The following LYST variants were observed in gnomAD, a reference collection of about 807,000 sequenced individuals.
LYST encodes lysosomal-trafficking regulator.
Under a neutral mutation model 413.6 loss-of-function variants are expected in LYST, and 192 were observed. That is an observed-to-expected ratio of 0.46 (90% confidence interval 0.41 to 0.52). The LOEUF (loss-of-function observed/expected upper bound fraction) is 0.52. Ranked by LOEUF, LYST falls within the 20% of genes least tolerant of loss-of-function variation. The pLI, the probability that LYST is intolerant of heterozygous loss-of-function variation, is 0.00. For synonymous variants in LYST, 1,525 were observed against 1,567.3 expected, an observed-to-expected ratio of 0.97 and a Z score of 0.64; for missense variants, 3,815 against 4,499.9, an observed-to-expected ratio of 0.85 and a Z score of 4.35.
chr1:235,833,628 T>C lies in LYST; in HGVS notation c.-58A>G, dbSNP rs531378063. On this transcript the variant is annotated 5_prime_UTR_variant, in exon 2 of 53. It removes an upstream start codon present in the reference 5' UTR. Transcript: ENST00000389793. ...TTACAGTCTATATCATTTGGACTCA[T>C]AAACTAGATGAAACAAATATTCTTA... 4.6e-5 allele frequency: 44 copies of C among 947,342 alleles called. No individual in the cohort carries two copies. The highest frequency in any genetic ancestry group is 4.3e-4 in the Admixed American group (7 of 16,238). The allele number at this position is 947,342 out of a possible 1,614,324, so 58.7% of individuals were successfully genotyped here.
At chr1:235,692,996 G>A (rs541253191) in intron 47 of LYST, among the ~76,000 whole-genome samples, 1 of 151,106 alleles carries the variant, frequency 6.6e-6, no homozygotes, top group African/African-American at 2.4e-5. Flanking sequence ...ACTCCAGCCT[G>A]GGCAACAGAG....
chr1:235,695,673 C>T (rs1196110056), intron 46 of LYST, among the ~76,000 whole-genome samples: 1 of 135,214 alleles, frequency 7.4e-6, no homozygotes, highest in Non-Finnish European at 1.5e-5. Context: ...TGCTCTGTCT[C>T]CCAGGCTGGA....
intron 50 of LYST, among the ~76,000 whole-genome samples, chr1:235,673,504 TC>T (rs1226942715): frequency 6.6e-6 from 1 of 151,968 alleles, no homozygotes; most frequent in African/African-American, 2.4e-5. Flanking sequence ...AGGTTAGACA[TC>T]CTCAGATGAT....
Position 235,733,857 on chromosome 1 carries a change from T to G in LYST, c.8585A>C (p.Gln2862Pro). Residue 2862 changes from glutamine (Q) to proline (P), a missense_variant, in exon 33 of 53, where the codon CAG becomes CCG. Gln to Pro is a moderately conservative substitution (Grantham distance 76). Transcript: ENST00000389793. ...TEEGVNKAAWQKTVNNNQQSL... is the reference protein window; with the variant it reads ...TEEGVNKAAWPKTVNNNQQSL... The stretch of plus-strand genomic sequence containing the variant: ...TTGTTGATTATTGTTAACTGTTTTC[T>G]GCCAAGCAGCTTTATTCACTCCTTC... 1 of 1,605,158 alleles carries G rather than the reference T, an allele frequency of 6.2e-7. No individual in the cohort carries two copies. The highest frequency in any genetic ancestry group is 8.5e-7 in the Non-Finnish European group (1 of 1,171,990).
At chr1:235,762,635 A>C in intron 22 of LYST, 85 bp downstream of exon 22, 1 of 1,374,284 alleles carries the variant, frequency 7.3e-7, no homozygotes, top group Non-Finnish European at 1.0e-6. Context: ...TACTACATAT[A>C]CTTCTAAAAT....
At chr1:235,755,423 GA>G (rs1481160461) in intron 25 of LYST, 54 bp downstream of exon 25, 3 of 1,417,826 alleles carry the variant, frequency 2.1e-6, no homozygotes, top group African/African-American at 1.7e-5. Flanking sequence ...GAAAAGAAAA[GA>G]AAAGAAAAAA....
chr1:235,816,444 A>AT (rs1343355076), intron 3 of LYST, among the ~76,000 whole-genome samples: 1 of 138,842 alleles, frequency 7.2e-6, no homozygotes, highest in African/African-American at 3.0e-5. Flanking sequence ...CGTCAAAAAA[A>AT]AAAATAAATA....
chr1:235,803,749 A>C (rs542522113), intron 7 of LYST, among the ~76,000 whole-genome samples: 25 of 152,306 alleles, frequency 1.6e-4, no homozygotes, highest in African/African-American at 5.8e-4. Context: ...CAGTTAGTCA[A>C]TTAATTCAGT....
chr1:235,667,968 G>A (rs1031235046), intron 50 of LYST, among the ~76,000 whole-genome samples: 1 of 151,888 alleles, frequency 6.6e-6, no homozygotes, highest in African/African-American at 2.4e-5. Flanking sequence ...GCCTCCTCCT[G>A]TATTCTTTAA....
At chr1:235,791,568 C>A in intron 12 of LYST, 131 bp downstream of exon 12, 3 of 782,436 alleles carry the variant, frequency 3.8e-6, no homozygotes, top group Non-Finnish European at 6.7e-6. Context: ...GACCTACCAC[C>A]ACTAAGTAAG....
chr1:235,819,673 G>T (rs1674540979), intron 3 of LYST, among the ~76,000 whole-genome samples: 1 of 152,184 alleles, frequency 6.6e-6, no homozygotes, highest in African/African-American at 2.4e-5. Context: ...TTGAGATGGA[G>T]TCTCACTCTG....
chr1:235,684,674 G>A (rs1279581361), intron 48 of LYST, among the ~76,000 whole-genome samples: 4 of 152,088 alleles, frequency 2.6e-5, no homozygotes, highest in Non-Finnish European at 5.9e-5. Flanking sequence ...GGAGTGCAGT[G>A]GTGTGGTCAC....
rs1246375581 is a variant in LYST, at chr1:235,810,413, T to G, written c.405A>C (p.Ala135=). Reference sequence around the variant, plus strand: ...TGCTTTTTCGAAAAACATTTACTTTTGCAGAAACCTGACTAGACAGGGCAC... The same window carrying G: ...TGCTTTTTCGAAAAACATTTACTTTGGCAGAAACCTGACTAGACAGGGCAC... ...EGSALSSQVS[A]KVNVFRKSRR... is the part of the protein sequence containing the mutation. Residue 135 remains alanine (A), a synonymous_variant, in exon 5 of 53, where the codon GCA becomes GCC. Coordinates refer to ENST00000389793, the MANE Select transcript of LYST (RefSeq NM_000081.4). 5 of 1,612,132 alleles carry G rather than the reference T, an allele frequency of 3.1e-6. No individual in the cohort carries two copies. In the African/African-American group the frequency reaches 6.7e-5, roughly 22 times the overall value.
chr1:235,744,131 A>T lies in LYST; in HGVS notation c.7999T>A (p.Leu2667Met), dbSNP rs766466824. ...QEFNSDIIDI[L>M]RTPENVTQSK... Reference sequence around the variant, plus strand: ...TGAGTTACATTTTCTGGAGTTCTCAAAATGTCAATAATGTCTGAATTAAAT... The same window carrying T: ...TGAGTTACATTTTCTGGAGTTCTCATAATGTCAATAATGTCTGAATTAAAT... The change falls in exon 30 of 53, where the codon TTG (leucine) becomes ATG (methionine). Residue 2667 changes from leucine to methionine, a missense_variant. Around this residue, in one of 4 missense-constraint regions of LYST, gnomAD observed 771 missense variants for 837.1 expected, o/e 0.92. Transcript: ENST00000389793. The T allele has an allele frequency of 2.5e-6, 4 of 1,593,046 alleles. No homozygotes were observed. Among genetic ancestry groups the T allele is most frequent in the Middle Eastern group, 1.7e-4 (1 of 6,034 alleles).
At chr1:235,738,474 A>G in intron 31 of LYST, 1 of 1,612,396 alleles carries the variant, frequency 6.2e-7, no homozygotes, top group East Asian at 2.2e-5. Flanking sequence ...AAACCATGTT[A>G]TTGGAAGTGG....
Position 235,761,784 on chromosome 1 carries a change from A to AC in LYST, c.6253+935dup, listed in dbSNP as rs1172925070. Among the ~76,000 whole-genome samples, 3 of 151,508 alleles carry AC rather than the reference A, an allele frequency of 2.0e-5. No individual in the cohort carries two copies. In the East Asian group the frequency reaches 5.8e-4, roughly 29 times the overall value. ...GTGATTAAAAAAAAAACAAAAAAAAACCAGAAAGATGGGAGGCTGTCAATT... is the reference window on the plus strand; with the variant it reads ...GTGATTAAAAAAAAAACAAAAAAAAACCCAGAAAGATGGGAGGCTGTCAATT... On this transcript the variant is annotated intron_variant, in intron 22 of 52. Transcript: ENST00000389793.
intron 10 of LYST, among the ~76,000 whole-genome samples, chr1:235,796,673 G>A (rs911846189): frequency 4.6e-5 from 7 of 152,176 alleles, no homozygotes; most frequent in African/African-American, 1.7e-4. Context: ...GAAAGGGGGA[G>A]TTCAGCCCCC....
chr1:235,806,495 C>T lies in LYST; in HGVS notation c.2641G>A (p.Ala881Thr). 6.2e-7 allele frequency: 1 copy of T among 1,614,052 alleles called. No individual in the cohort carries two copies. Among genetic ancestry groups the T allele is most frequent in the Non-Finnish European group, 8.5e-7 (1 of 1,179,988 alleles). Residue 881 changes from alanine (A) to threonine (T), a missense_variant, in exon 6 of 53, where the codon GCT (alanine) becomes ACT (threonine). Ala to Thr is a moderately conservative substitution (Grantham distance 58, BLOSUM62 0). Around this residue, in one of 4 missense-constraint regions of LYST, gnomAD observed 1,648 missense variants for 1,810.3 expected, o/e 0.91. Transcript: ENST00000389793. The part of the protein sequence containing the change: ...LSKFYAGLKE[A>T]YPKRRKTVNQ... ...ACAGTCTTCCGTCTCTTTGGATAAG[C>T]TTCTTTGAGGCCAGCATAAAATTTG...
chr1:235,786,724 A>G (rs956231404), intron 14 of LYST, among the ~76,000 whole-genome samples: 3 of 152,094 alleles, frequency 2.0e-5, no homozygotes, highest in African/African-American at 7.2e-5. Flanking sequence ...CAGCCATAAA[A>G]AAGGATGAGT....
Sources: allele counts gnomAD v4.1 joint callset (sites outside exome capture counted in the v4.1 genomes callset), GRCh38; gene constraint gnomAD v4.1.1; regional missense constraint gnomAD v4.1.1; transcripts MANE v1.5; gene names NCBI Gene and HGNC (gene_info 2026-07-23, HGNC 2026-07-21).